PHACTR4: variants seen among roughly 807,000 people sequenced by gnomAD.
The protein encoded by PHACTR4 is phosphatase and actin regulator 4, also known as protein phosphatase 1, regulatory subunit 124.
Under a neutral mutation model 72.7 loss-of-function variants are expected in PHACTR4, and 51 were observed. That is an observed-to-expected ratio of 0.70 (90% CI 0.56 to 0.89). The LOEUF is 0.89. Ranked by LOEUF, PHACTR4 falls within the 40% of genes least tolerant of loss-of-function variation. PHACTR4 has a pLI of 0.00. For synonymous variants in PHACTR4, 255 were observed against 302.5 expected, an observed-to-expected ratio of 0.84 and a Z score of 1.63; for missense variants, 731 against 861.8, an observed-to-expected ratio of 0.85 and a Z score of 1.90.
intron 1 of PHACTR4, among the ~76,000 whole-genome samples, chr1:28,402,200 C>G (rs1211525010): frequency 6.6e-5 from 10 of 152,184 alleles, no homozygotes; most frequent in Non-Finnish European, 1.5e-5. Flanking sequence ...GCAGCTAACA[C>G]AGATGCCAGC....
intron 11 of PHACTR4, 100 bp from the exon 12 acceptor site, chr1:28,491,550 G>A: frequency 6.0e-6 from 9 of 1,494,636 alleles, no homozygotes; most frequent in Non-Finnish European, 8.4e-6. Context: ...TCCCCCAGGT[G>A]ATTCCAATGA....
intron 6 of PHACTR4, among the ~76,000 whole-genome samples, chr1:28,472,587 T>G (rs1659629001): frequency 6.6e-6 from 1 of 150,648 alleles, no homozygotes; most frequent in Admixed American, 6.6e-5. Flanking sequence ...AATTTTTTAA[T>G]GGAGTACTGT....
At chr1:28,378,745 G>A (rs1651906278) in intron 1 of PHACTR4, among the ~76,000 whole-genome samples, 1 of 151,926 alleles carries the variant, frequency 6.6e-6, no homozygotes, top group African/African-American at 2.4e-5. Context: ...CAGAGAAAAT[G>A]TAGATAATGA....
chr1:28,381,321 C>T (rs1211037762), intron 1 of PHACTR4, among the ~76,000 whole-genome samples: 9 of 91,126 alleles, frequency 9.9e-5, no homozygotes, highest in Middle Eastern at 0.011. Context: ...TTTTTTGAGA[C>T]GGAGTCTTGC....
At chr1:28,404,018 A>G (rs1297530511) in intron 1 of PHACTR4, among the ~76,000 whole-genome samples, 3 of 152,322 alleles carry the variant, frequency 2.0e-5, no homozygotes, top group East Asian at 1.9e-4. Context: ...TAATGCTGCT[A>G]TGAACATTTG....
chr1:28,492,518 T>C (rs1361263166), intron 12 of PHACTR4, among the ~76,000 whole-genome samples: 2 of 151,274 alleles, frequency 1.3e-5, no homozygotes, highest in African/African-American at 4.9e-5. Flanking sequence ...TCCCAGCACT[T>C]TGGGAGGCCG....
chr1:28,479,219 G>C lies in PHACTR4; in HGVS notation c.1607-1232G>C, dbSNP rs144698805. Among the ~76,000 whole-genome samples the C allele has an allele frequency of 8.9e-3, 1,348 of 151,200 alleles. 18 individuals are homozygous for C. Among genetic ancestry groups the C allele is most frequent in the African/African-American group, 0.031 (1,287 of 41,206 alleles). ...GCGGATCACCTGAGGTCAGGAGTTC[G>C]AGATCAGCCTGGCCAATGTGGTGAA... is the stretch of plus-strand genomic sequence containing the variant. On this transcript the variant is annotated intron_variant, in intron 8 of 13. Coordinates refer to ENST00000373839, the MANE Select transcript of PHACTR4 (RefSeq NM_001048183.3).
chr1:28,459,145 A>G lies in PHACTR4; in HGVS notation c.77A>G (p.Asp26Gly), dbSNP rs1658618652. ...GTCCTGGACAGTGTGGAAGCAGGAG[A>G]CACAACACCTCCTACCAAAAGGAAG... ...GMVLDSVEAG[D>G]TTPPTKRKSK... Residue 26 changes from aspartate to glycine, a missense_variant, in exon 3 of 14, where the codon GAC becomes GGC. Coordinates refer to ENST00000373839, the MANE Select transcript of PHACTR4 (RefSeq NM_001048183.3). The G allele has an allele frequency of 6.2e-7, 1 of 1,613,862 alleles. No homozygotes were observed. The highest frequency in any genetic ancestry group is 1.7e-5 in the Admixed American group (1 of 59,958).
intron 2 of PHACTR4, among the ~76,000 whole-genome samples, chr1:28,431,542 A>G (rs1557809406): frequency 3.3e-5 from 5 of 151,840 alleles, no homozygotes; most frequent in Admixed American, 2.0e-4. Flanking sequence ...ACCACATTCC[A>G]AAAAGAACTC....
chr1:28,431,473 G>A lies in PHACTR4; in HGVS notation c.16+24010G>A, dbSNP rs528103282. 4.4e-4 allele frequency among the ~76,000 whole-genome samples: 66 copies of A among 151,088 alleles called. 1 individual carries two copies. The highest frequency in any genetic ancestry group is 8.0e-4 in the Non-Finnish European group (54 of 67,790). ...CTCCCAAAGTGCTGGGATTACAGGC[G>A]TGAGCCACCGCACCAGCCACTACAA... On this transcript the variant is annotated intron_variant, in intron 2 of 13. Transcript: ENST00000373839.
chr1:28,375,454 A>T (rs1167062808), intron 1 of PHACTR4, among the ~76,000 whole-genome samples: 2 of 151,974 alleles, frequency 1.3e-5, no homozygotes, highest in East Asian at 3.9e-4. Context: ...AGGCAGGAGG[A>T]TCACTTTATG....
rs1306240183 is a variant in PHACTR4 at position 28,473,785 on chromosome 1, C to G, written c.1055C>G (p.Pro352Arg). ...TCCCCCCCACTGCCTACTCATATAC[C>G]TCCAGAGCCTCCACGCACCCCTCCA... ...SPSPPLPTHIPPEPPRTPPFP... is the reference protein window; with the variant it reads ...SPSPPLPTHIRPEPPRTPPFP... The change falls in exon 7 of 14, where the codon CCT becomes CGT. Residue 352 changes from proline to arginine, a missense_variant. By Grantham distance (103) the Pro-to-Arg change is moderately radical (BLOSUM62 -2). This residue lies in a region of PHACTR4 where 621 missense variants were observed against 676.6 expected (regional missense o/e 0.92). Coordinates refer to ENST00000373839, the MANE Select transcript of PHACTR4 (RefSeq NM_001048183.3). 6.2e-7 allele frequency: 1 copy of G among 1,613,958 alleles called. No individual in the cohort carries two copies. Among genetic ancestry groups the G allele is most frequent in the East Asian group, 2.2e-5 (1 of 44,890 alleles).
chr1:28,436,742 T>G (rs531047311), intron 2 of PHACTR4, among the ~76,000 whole-genome samples: 510 of 152,322 alleles, frequency 3.3e-3, no homozygotes, highest in Middle Eastern at 0.014. Flanking sequence ...TATCAAGCTG[T>G]ATCCTTAATA....
At chr1:28,485,510 C>G (rs775601207) in intron 9 of PHACTR4, among the ~76,000 whole-genome samples, 9 of 151,236 alleles carry the variant, frequency 6.0e-5, no homozygotes, top group Non-Finnish European at 1.3e-4. Flanking sequence ...TTGCTTGAAC[C>G]CGGGAGGCAG....
In PHACTR4 at chr1:28,473,556, G is replaced by A; in HGVS notation, c.826G>A (p.Glu276Lys). The change falls in exon 7 of 14, where the codon GAA becomes AAA. Residue 276 changes from glutamate (E) to lysine (K), a missense_variant and splice_region_variant. By Grantham distance (56) the Glu-to-Lys change is moderately conservative (BLOSUM62 1). Around this residue, in one of 2 missense-constraint regions of PHACTR4, gnomAD observed 621 missense variants for 676.6 expected, o/e 0.92. Transcript: ENST00000373839. ...AHRNSNPVIA[E>K]LSQAINSGTL... ...ATGTGTTGCTCTCTCTTTTCCAGCT[G>A]AACTGTCCCAAGCAATAAACAGTGG... is the stretch of plus-strand genomic sequence containing the variant. 1.3e-6 allele frequency: 2 copies of A among 1,596,988 alleles called. No individual in the cohort carries two copies. Among genetic ancestry groups the A allele is most frequent in the Non-Finnish European group, 1.7e-6 (2 of 1,166,832 alleles).
intron 1 of PHACTR4, among the ~76,000 whole-genome samples, 192 bp downstream of exon 1, chr1:28,370,017 C>T (rs1046802666): frequency 6.6e-6 from 1 of 152,156 alleles, no homozygotes; most frequent in East Asian, 1.9e-4. Context: ...CCTCCCACAA[C>T]GGTCCAACCC....
At position 28,465,844 on chromosome 1, in the gene PHACTR4, G is replaced by T; in HGVS notation, c.431G>T (p.Arg144Leu). Residue 144 changes from arginine (R) to leucine (L), a missense_variant, in exon 5 of 14, where the codon CGA (arginine) becomes CTA (leucine). Transcript: ENST00000373839. Reference protein sequence around the residue: ...KAIPEEDLKKRLGSTGSQPNS... With the variant: ...KAIPEEDLKKLLGSTGSQPNS... Reference sequence around the variant, plus strand: ...ATTCCAGAAGAGGACCTAAAGAAACGACTAGGTAAGAAACTCTGGATTTTT... The same window carrying T: ...ATTCCAGAAGAGGACCTAAAGAAACTACTAGGTAAGAAACTCTGGATTTTT... The T allele has an allele frequency of 6.2e-7, 1 of 1,606,290 alleles. No individual in the cohort carries two copies. The highest frequency in any genetic ancestry group is 1.1e-5 in the South Asian group (1 of 89,378).
intron 1 of PHACTR4, among the ~76,000 whole-genome samples, chr1:28,404,146 C>T (rs1306534193): frequency 6.6e-6 from 1 of 152,056 alleles, no homozygotes; most frequent in Non-Finnish European, 1.5e-5. Context: ...GACGGGGTTT[C>T]ACCATGTTGG....
chr1:28,466,481 A>G lies in PHACTR4; in HGVS notation c.536A>G (p.His179Arg), dbSNP rs758374350. The G allele has an allele frequency of 4.3e-6, 7 of 1,614,126 alleles. No individual in the cohort carries two copies. The South Asian group carries it at 6.6e-5, about 15-fold the overall frequency. The change falls in exon 6 of 14, where the codon CAT (histidine) becomes CGT (arginine). Residue 179 changes from histidine (H) to arginine (R), a missense_variant. Physicochemically the swap from His to Arg is conservative, Grantham distance 29. Transcript: ENST00000373839. ...CCCAAAAGACCCTTGTCCTCTTCTCATGAAGCAAGTGAAGGGCAAGCAAAG... is the reference window on the plus strand; with the variant it reads ...CCCAAAAGACCCTTGTCCTCTTCTCGTGAAGCAAGTGAAGGGCAAGCAAAG... The part of the protein sequence containing the change: ...LPPKRPLSSS[H>R]EASEGQAKDA...
Sources: allele counts gnomAD v4.1 joint callset (sites outside exome capture counted in the v4.1 genomes callset), GRCh38; gene constraint gnomAD v4.1.1; regional missense constraint gnomAD v4.1.1; transcripts MANE v1.5; gene names NCBI Gene and HGNC (gene_info 2026-07-23, HGNC 2026-07-21).